The following CNTNAP2 variants were observed in gnomAD, a reference collection of about 807,000 sequenced individuals.
The protein encoded by CNTNAP2 is contactin associated protein 2, also known as contactin-associated protein-like 2.
CNTNAP2 carries 98 observed loss-of-function variants against 155.2 expected under a neutral mutation model. The ratio of observed to expected loss-of-function variants is 0.63; its 90% CI spans 0.54 to 0.75. The LOEUF (loss-of-function observed/expected upper bound fraction) is 0.75, where lower values mean the gene tolerates loss of function less well. CNTNAP2 is among the 30% of genes least tolerant of loss of function. The pLI is 0.00. For missense variants in CNTNAP2, 1,727 were observed against 1,688.1 expected (o/e 1.02, Z -0.40); for synonymous variants, 651 against 631.2 (o/e 1.03, Z -0.47).
intron 22 of CNTNAP2, among the ~76,000 whole-genome samples, chr7:148,406,592 C>G (rs1035647724): frequency 3.3e-5 from 5 of 152,288 alleles, no homozygotes; most frequent in African/African-American, 4.8e-5. Context: ...AACCCTACAC[C>G]TGGGTTCTAA....
At chr7:146,272,503 A>G (rs1381284119) in intron 1 of CNTNAP2, among the ~76,000 whole-genome samples, 1 of 152,206 alleles carries the variant, frequency 6.6e-6, no homozygotes, top group African/African-American at 2.4e-5. Context: ...CCTTGGAGTG[A>G]AGTACTCTGG....
At chr7:146,416,940 C>T (rs770733404) in intron 1 of CNTNAP2, among the ~76,000 whole-genome samples, 1 of 152,062 alleles carries the variant, frequency 6.6e-6, no homozygotes, top group Admixed American at 6.6e-5. Flanking sequence ...AGCAAGAAGA[C>T]TGATGATTTC....
intron 3 of CNTNAP2, among the ~76,000 whole-genome samples, chr7:146,937,391 A>ATAAG (rs879645914): frequency 0.039 from 5,978 of 151,640 alleles, 130 homozygotes; most frequent in South Asian, 0.073. Flanking sequence ...AAATAAATAA[A>ATAAG]AGCGAAAACC....
At chr7:146,462,287 C>T (rs1796648733) in intron 1 of CNTNAP2, among the ~76,000 whole-genome samples, 1 of 152,088 alleles carries the variant, frequency 6.6e-6, no homozygotes, top group African/African-American at 2.4e-5. Flanking sequence ...TTCTTTGTTT[C>T]TCCTTTACAA....
chr7:147,494,571 C>T (rs1563226872), intron 11 of CNTNAP2, among the ~76,000 whole-genome samples: 1 of 151,240 alleles, frequency 6.6e-6, no homozygotes, highest in Non-Finnish European at 1.5e-5. Flanking sequence ...TATAAAATGC[C>T]AGTGCTAGGT....
At chr7:147,473,408 C>T (rs1381017185) in intron 10 of CNTNAP2, among the ~76,000 whole-genome samples, 1 of 152,122 alleles carries the variant, frequency 6.6e-6, no homozygotes, top group Non-Finnish European at 1.5e-5. Flanking sequence ...ACACAGAGCT[C>T]ATGCCCACAG....
chr7:146,301,656 A>G (rs1348434095), intron 1 of CNTNAP2, among the ~76,000 whole-genome samples: 1 of 152,080 alleles, frequency 6.6e-6, no homozygotes, highest in Non-Finnish European at 1.5e-5. Flanking sequence ...CAACAACAAC[A>G]AAAAGATATA....
At chr7:146,436,773 T>C (rs1796249442) in intron 1 of CNTNAP2, among the ~76,000 whole-genome samples, 1 of 148,386 alleles carries the variant, frequency 6.7e-6, no homozygotes, top group African/African-American at 2.6e-5. Flanking sequence ...TAGCAAGTGC[T>C]TGGTGTATAA....
intron 13 of CNTNAP2, among the ~76,000 whole-genome samples, chr7:147,889,426 G>A (rs373430633): frequency 2.0e-5 from 3 of 151,768 alleles, no homozygotes; most frequent in East Asian, 3.9e-4. Context: ...AAAGAAAGAT[G>A]ATAGAAAACA....
chr7:147,955,028 G>A (rs190362734), intron 14 of CNTNAP2, among the ~76,000 whole-genome samples: 1,866 of 152,236 alleles, frequency 0.012, 23 homozygotes, highest in Non-Finnish European at 0.018. Flanking sequence ...GCAAAGTTGA[G>A]CCACCGACAC....
chr7:147,094,150 G>A (rs1800473482), intron 4 of CNTNAP2, among the ~76,000 whole-genome samples: 1 of 152,154 alleles, frequency 6.6e-6, no homozygotes, highest in South Asian at 2.1e-4. Flanking sequence ...ACTCTGTGGA[G>A]ATCTTGCAGA....
At chr7:147,382,956 A>T (rs1584914632) in intron 9 of CNTNAP2, among the ~76,000 whole-genome samples, 1 of 152,190 alleles carries the variant, frequency 6.6e-6, no homozygotes, top group African/African-American at 2.4e-5. Context: ...CATTGTTTTT[A>T]ATCCTATTAT....
chr7:147,122,719 C>A (rs1366039737), intron 6 of CNTNAP2: 1 of 152,182 alleles, frequency 6.6e-6, no homozygotes, highest in East Asian at 1.9e-4. Flanking sequence ...TAGAGTTTCA[C>A]ACAATGTCCA....
intron 2 of CNTNAP2, among the ~76,000 whole-genome samples, chr7:146,813,659 C>T (rs1057412302): frequency 2.6e-5 from 4 of 152,108 alleles, no homozygotes; most frequent in Non-Finnish European, 5.9e-5. Flanking sequence ...TGAGTTAAGA[C>T]TTTGGGAGAC....
chr7:146,991,702 A>G (rs542488148), intron 3 of CNTNAP2, among the ~76,000 whole-genome samples: 4 of 152,276 alleles, frequency 2.6e-5, no homozygotes, highest in South Asian at 2.1e-4. Context: ...AGATTATTCA[A>G]TTTTGCTCGT....
intron 2 of CNTNAP2, among the ~76,000 whole-genome samples, chr7:146,827,349 C>A (rs1803425167): frequency 1.3e-5 from 2 of 151,996 alleles, no homozygotes; most frequent in South Asian, 4.1e-4. Context: ...GATATCCATT[C>A]TTTGATCTTC....
chr7:148,184,305 AT>A (rs1795085062), intron 18 of CNTNAP2, among the ~76,000 whole-genome samples: 3 of 152,336 alleles, frequency 2.0e-5, no homozygotes, highest in African/African-American at 7.2e-5. Flanking sequence ...TGACATGTAA[AT>A]AAGTTTATCT....
chr7:146,634,937 C>T (rs1799573631), intron 1 of CNTNAP2, among the ~76,000 whole-genome samples: 1 of 152,062 alleles, frequency 6.6e-6, no homozygotes, highest in South Asian at 2.1e-4. Flanking sequence ...AATATGCAAG[C>T]AATTCCAAGT....
At chr7:148,263,187 A>G (rs1160147806) in intron 20 of CNTNAP2, 1 of 152,204 alleles carries the variant, frequency 6.6e-6, no homozygotes, top group Non-Finnish European at 1.5e-5. Flanking sequence ...GTGAATGTTG[A>G]AGGCTTTCTG....
Sources: gnomAD v4.1 joint callset for allele counts (sites outside exome capture counted in the v4.1 genomes callset) on GRCh38, gnomAD v4.1.1 for gene constraint, MANE v1.5 for transcripts, NCBI Gene and HGNC (gene_info 2026-07-23, HGNC 2026-07-21) for gene names.